TRIM71: variants seen among roughly 807,000 people sequenced by gnomAD.
TRIM71 encodes E3 ubiquitin-protein ligase TRIM71.
In TRIM71, 9 loss-of-function variants were observed where a neutral mutation model predicts 61.2. The ratio of observed to expected loss-of-function variants is 0.15; its 90% CI spans 0.09 to 0.26. TRIM71 has a LOEUF of 0.26. Among genes scored for constraint, TRIM71 ranks in the 10% least tolerant of loss-of-function variants. TRIM71 has a pLI of 1.00. For synonymous variants in TRIM71, 645 were observed against 553.2 expected, an observed-to-expected ratio of 1.17 and a Z score of -2.33; for missense variants, 998 against 1,238.7, an observed-to-expected ratio of 0.81 and a Z score of 2.92.
At chr3:32,852,682 C>T (rs1696550988) in intron 1 of TRIM71, among the ~76,000 whole-genome samples, 1 of 151,104 alleles carries the variant, frequency 6.6e-6, no homozygotes, top group African/African-American at 2.4e-5. Flanking sequence ...TGATGGCACA[C>T]AGGTAGAATT....
intron 1 of TRIM71, among the ~76,000 whole-genome samples, chr3:32,838,234 T>C (rs761966910): frequency 8.3e-4 from 126 of 152,228 alleles, no homozygotes; most frequent in Middle Eastern, 6.8e-3. Context: ...TATTATTATA[T>C]TTTTTTGAGA....
chr3:32,847,212 T>G (rs1044581579), intron 1 of TRIM71, among the ~76,000 whole-genome samples: 2 of 150,408 alleles, frequency 1.3e-5, no homozygotes, highest in East Asian at 3.9e-4. Context: ...TTTTTTTTTT[T>G]TGAGACTGAG....
chr3:32,880,408 A>G (rs1333627646), intron 2 of TRIM71, among the ~76,000 whole-genome samples: 1 of 152,224 alleles, frequency 6.6e-6, no homozygotes, highest in Non-Finnish European at 1.5e-5. Context: ...GAGGATATGT[A>G]TACTGAAAGT....
chr3:32,843,607 C>T (rs994424024), intron 1 of TRIM71, among the ~76,000 whole-genome samples: 3 of 152,200 alleles, frequency 2.0e-5, no homozygotes, highest in African/African-American at 7.2e-5. Flanking sequence ...ATCCCCGTGC[C>T]TCCCATTCTG....
chr3:32,873,999 G>T lies in TRIM71; in HGVS notation c.1020+14G>T. On this transcript the variant is annotated intron_variant, in intron 2 of 3. Coordinates refer to ENST00000383763, the MANE Select transcript of TRIM71 (RefSeq NM_001039111.3). ...CAGGCAATCCAGGTGAGCCTTCCCTGCCCTTCTGCAGTTCCCACGTGAATC... is the reference window on the plus strand; with the variant it reads ...CAGGCAATCCAGGTGAGCCTTCCCTTCCCTTCTGCAGTTCCCACGTGAATC... The T allele has an allele frequency of 2.5e-6, 4 of 1,594,586 alleles. No individual in the cohort carries two copies. Among genetic ancestry groups the T allele is most frequent in the Non-Finnish European group, 3.4e-6 (4 of 1,171,028 alleles).
At chr3:32,836,459 T>TA (rs1364584882) in intron 1 of TRIM71, among the ~76,000 whole-genome samples, 1 of 152,240 alleles carries the variant, frequency 6.6e-6, no homozygotes, top group Non-Finnish European at 1.5e-5. Flanking sequence ...AGTTGTGTGT[T>TA]ACAAAGGATT....
rs1697018492 is a variant in TRIM71 at position 32,890,985 on chromosome 3, T to A, written c.1781T>A (p.Leu594Gln). ...TACGTGGGCATTGGGCTCCCGGGCC[T>A]GAGCTTCGGCAGTGAGGGTGACAGC... is the stretch of plus-strand genomic sequence containing the variant. ...RSYVGIGLPG[L>Q]SFGSEGDSDG... Residue 594 changes from leucine (L) to glutamine (Q), a missense_variant, in exon 4 of 4, where the codon CTG (leucine) becomes CAG (glutamine). Leu to Gln is a moderately radical substitution (Grantham distance 113). This residue lies in a region of TRIM71 where 291 missense variants were observed against 431.2 expected (regional missense o/e 0.67). Transcript: ENST00000383763. This position sits in a 1 kb window ranked among gnomAD's most constrained non-coding sequence, Gnocchi z 6.2. 1 of 1,614,018 alleles carries A rather than the reference T, an allele frequency of 6.2e-7. No individual in the cohort carries two copies. Among genetic ancestry groups the A allele is most frequent in the Admixed American group, 1.7e-5 (1 of 60,022 alleles).
In TRIM71 at chr3:32,885,998, C is replaced by T. The variant is rs768867028; in HGVS notation, c.1085C>T (p.Ser362Leu). ...QVEMKAKVVQSEVKAVTARHK... is the reference protein window; with the variant it reads ...QVEMKAKVVQLEVKAVTARHK... ...GAGATGAAGGCGAAGGTTGTGCAGT[C>T]GGAGGTCAAAGCCGTGACGGCGAGG... Residue 362 changes from serine to leucine, a missense_variant, in exon 3 of 4, where the codon TCG (serine) becomes TTG (leucine). Transcript: ENST00000383763. 8 of 1,614,000 alleles carry T rather than the reference C, an allele frequency of 5.0e-6. No homozygotes were observed. The East Asian group carries it at 1.3e-4, about 27-fold the overall frequency.
chr3:32,855,192 A>G (rs565347414), intron 1 of TRIM71, among the ~76,000 whole-genome samples: 1 of 152,270 alleles, frequency 6.6e-6, no homozygotes, highest in South Asian at 2.1e-4. Context: ...TCCCCCAAGG[A>G]TAAGAGGGAA....
intron 1 of TRIM71, among the ~76,000 whole-genome samples, chr3:32,848,317 C>T (rs1008830029): frequency 1.3e-5 from 2 of 152,270 alleles, no homozygotes; most frequent in Admixed American, 6.5e-5. Flanking sequence ...TCTTTCTGCC[C>T]TCTTAGTTCT....
intron 2 of TRIM71, among the ~76,000 whole-genome samples, chr3:32,875,436 G>C (rs1345612976): frequency 6.6e-6 from 1 of 152,192 alleles, no homozygotes; most frequent in Non-Finnish European, 1.5e-5. Context: ...AGGATACTTT[G>C]AAAGTCAAGA....
intron 1 of TRIM71, among the ~76,000 whole-genome samples, chr3:32,871,324 C>G (rs996402271): frequency 1.3e-5 from 2 of 152,176 alleles, no homozygotes; most frequent in Admixed American, 6.5e-5. Flanking sequence ...CCGAAGGAAG[C>G]AGGAGAGTGC....
intron 1 of TRIM71, among the ~76,000 whole-genome samples, chr3:32,821,419 C>A (rs1696127402): frequency 6.6e-6 from 1 of 152,086 alleles, no homozygotes; most frequent in South Asian, 2.1e-4. Flanking sequence ...AACACCCTAC[C>A]CCAGCCTGCA....
intron 1 of TRIM71, among the ~76,000 whole-genome samples, chr3:32,831,499 T>C (rs1002707558): frequency 1.3e-5 from 2 of 151,970 alleles, no homozygotes; most frequent in African/African-American, 2.4e-5. Flanking sequence ...AAACAGCTAG[T>C]TTCTTTTCAT....
At chr3:32,878,364 C>T (rs1691715638) in intron 2 of TRIM71, among the ~76,000 whole-genome samples, 1 of 152,202 alleles carries the variant, frequency 6.6e-6, no homozygotes, top group African/African-American at 2.4e-5. Flanking sequence ...AATCCCAGCA[C>T]TTTGGGAGCC....
rs1034283782 is a variant in TRIM71, at chr3:32,894,297, C to T, written c.*2486C>T. 1 of 152,080 alleles carries T rather than the reference C, an allele frequency of 6.6e-6. No homozygotes were observed. 9.4% of individuals were successfully genotyped at this position (152,080 alleles called of 1,614,324 possible). A position where few individuals can be genotyped will look rare whatever the true frequency, so the allele number is the denominator to read the frequency against. ...CATTCTGCTCTTTTCTTTCTAATTT[C>T]CCCAGATGTAGGAAAATTTTGGGAC... is the stretch of plus-strand genomic sequence containing the variant. On this transcript the variant is annotated 3_prime_UTR_variant, in exon 4 of 4. Coordinates refer to ENST00000383763, the MANE Select transcript of TRIM71 (RefSeq NM_001039111.3).
At position 32,892,628 on chromosome 3, in the gene TRIM71, A is replaced by G. The variant is rs1485079892; in HGVS notation, c.*817A>G. 6.6e-6 allele frequency: 1 copy of G among 152,198 alleles called. No individual in the cohort carries two copies. Among genetic ancestry groups the G allele is most frequent in the Non-Finnish European group, 1.5e-5 (1 of 68,038 alleles). 9.4% of individuals were successfully genotyped at this position (152,198 alleles called of 1,614,324 possible). On this transcript the variant is annotated 3_prime_UTR_variant, in exon 4 of 4. Transcript: ENST00000383763. The stretch of plus-strand genomic sequence containing the variant: ...TTGCACCCAAGTAGTAAAGCTGAAA[A>G]TGACACACTGCCTCCCAAAGAACCT...
intron 1 of TRIM71, among the ~76,000 whole-genome samples, chr3:32,826,361 G>A (rs770805815): frequency 2.0e-5 from 3 of 152,076 alleles, no homozygotes; most frequent in East Asian, 1.9e-4. Flanking sequence ...TCACTTGAGC[G>A]TGGGAGGCGG....
At chr3:32,876,823 A>G (rs1696856903) in intron 2 of TRIM71, among the ~76,000 whole-genome samples, 1 of 152,224 alleles carries the variant, frequency 6.6e-6, no homozygotes, top group South Asian at 2.1e-4. Context: ...TGAGTGGTTA[A>G]CATGGTGAAA....
Sources: allele counts gnomAD v4.1 joint callset (sites outside exome capture counted in the v4.1 genomes callset), GRCh38; gene constraint gnomAD v4.1.1; regional missense constraint gnomAD v4.1.1; non-coding constraint Gnocchi (gnomAD v3.1); transcripts MANE v1.5; gene names NCBI Gene and HGNC (gene_info 2026-07-23, HGNC 2026-07-21).